CAMK4: variants seen among roughly 807,000 people sequenced by gnomAD.
The protein encoded by CAMK4 is calcium/calmodulin-dependent protein kinase type IV.
In CAMK4, 22 loss-of-function variants were observed where a neutral mutation model predicts 44.9. That is an observed-to-expected ratio of 0.49 (90% CI 0.35 to 0.70). The LOEUF (loss-of-function observed/expected upper bound fraction) is 0.70, where lower values mean the gene tolerates loss of function less well. CAMK4 is among the 30% of genes least tolerant of loss of function. The pLI, the probability that CAMK4 is intolerant of heterozygous loss-of-function variation, is 0.01. For missense variants in CAMK4, 498 were observed against 586.8 expected, an observed-to-expected ratio of 0.85 and a Z score of 1.56; for synonymous variants, 218 against 215.4, an observed-to-expected ratio of 1.01 and a Z score of -0.11.
chr5:111,324,615 A>AC (rs888410220), intron 1 of CAMK4, among the ~76,000 whole-genome samples: 2 of 151,940 alleles, frequency 1.3e-5, no homozygotes, highest in Admixed American at 1.3e-4. Flanking sequence ...AGATTTTAAC[A>AC]CCCCCCTCTC....
intron 1 of CAMK4, among the ~76,000 whole-genome samples, chr5:111,243,903 C>A (rs189222477): frequency 1.2e-3 from 184 of 152,290 alleles, no homozygotes; most frequent in Non-Finnish European, 2.1e-3. Flanking sequence ...TAGATTTTTT[C>A]AGGAACTTAG....
At chr5:111,363,674 T>C (rs1291272200) in intron 2 of CAMK4, among the ~76,000 whole-genome samples, 1 of 151,814 alleles carries the variant, frequency 6.6e-6, no homozygotes, top group Non-Finnish European at 1.5e-5. Flanking sequence ...TGACTCTCAA[T>C]GAACCAAGTG....
intron 1 of CAMK4, among the ~76,000 whole-genome samples, chr5:111,238,837 A>G (rs1416221662): frequency 1.3e-5 from 1 of 78,272 alleles, no homozygotes; most frequent in Admixed American, 1.6e-4. Context: ...TTTTTTTTTT[A>G]ACAGGAGGTG....
At position 111,224,652 on chromosome 5, in the gene CAMK4, G is replaced by A; in HGVS notation, c.161+8G>A. On this transcript the variant is annotated splice_region_variant and intron_variant, in intron 1 of 10. Coordinates refer to ENST00000282356, the MANE Select transcript of CAMK4 (RefSeq NM_001744.6). This position sits in a 1 kb window ranked among gnomAD's most constrained non-coding sequence, Gnocchi z 5.7. ...GGAGTCGGAGCTGGGACGGTAAGGC[G>A]CGGGCTCCGGCTGGGGAAGCCCGCG... 3.1e-6 allele frequency: 5 copies of A among 1,599,356 alleles called. No individual in the cohort carries two copies. Among genetic ancestry groups the A allele is most frequent in the Middle Eastern group, 2.2e-4 (1 of 4,510 alleles).
intron 7 of CAMK4, among the ~76,000 whole-genome samples, chr5:111,451,858 T>C (rs1754249073): frequency 6.6e-6 from 1 of 152,174 alleles, no homozygotes; most frequent in Admixed American, 6.5e-5. Context: ...ATGATTTTAC[T>C]ACTGCATTCC....
rs1284521802 is a variant in CAMK4 at position 111,224,594 on chromosome 5, C to T, written c.111C>T (p.Ser37=). Residue 37 remains serine, a synonymous_variant, in exon 1 of 11, where the codon TCC becomes TCT. Coordinates refer to ENST00000282356, the MANE Select transcript of CAMK4 (RefSeq NM_001744.6). This position sits in a 1 kb window ranked among gnomAD's most constrained non-coding sequence, Gnocchi z 5.7. ...SLVPDYWIDG[S]NRDALSDFFE... ...TCCCGGATTACTGGATCGACGGCTC[C>T]AACAGGGATGCGCTGAGCGATTTCT... The T allele has an allele frequency of 1.9e-6, 3 of 1,612,166 alleles. No individual in the cohort carries two copies. Among genetic ancestry groups the T allele is most frequent in the South Asian group, 1.1e-5 (1 of 90,940 alleles).
At chr5:111,292,031 A>G (rs1747284036) in intron 1 of CAMK4, among the ~76,000 whole-genome samples, 3 of 152,366 alleles carry the variant, frequency 2.0e-5, no homozygotes, top group East Asian at 3.9e-4. Context: ...TTATATTCCA[A>G]CATCCTGCAC....
At chr5:111,350,436 A>C (rs989107366) in intron 2 of CAMK4, among the ~76,000 whole-genome samples, 1 of 152,088 alleles carries the variant, frequency 6.6e-6, no homozygotes, top group South Asian at 2.1e-4. Context: ...ATTACTGCTG[A>C]AAATGGATAC....
intron 2 of CAMK4, among the ~76,000 whole-genome samples, chr5:111,372,044 T>A (rs946377312): frequency 3.9e-5 from 6 of 152,136 alleles, no homozygotes; most frequent in Non-Finnish European, 8.8e-5. Context: ...TAAATTGCTA[T>A]TTGGTAGGGC....
chr5:111,380,980 A>G lies in CAMK4; in HGVS notation c.386+4038A>G, dbSNP rs149924525. Among the ~76,000 whole-genome samples the G allele has an allele frequency of 3.3e-3, 505 of 152,260 alleles. 3 individuals are homozygous for G. The highest frequency in any genetic ancestry group is 0.012 in the African/African-American group (491 of 41,564). On this transcript the variant is annotated intron_variant, in intron 4 of 10. Transcript: ENST00000282356. ...CAACTTTAAGCCAGGGCATTATACC[A>G]GGGCTATTCTTACTTGGCAGACCCT...
chr5:111,246,379 A>G (rs1749240665), intron 1 of CAMK4, among the ~76,000 whole-genome samples: 1 of 152,230 alleles, frequency 6.6e-6, no homozygotes, highest in Non-Finnish European at 1.5e-5. Context: ...GTACAAATGT[A>G]ATTTAATAAG....
At chr5:111,326,591 A>T (rs575000055) in intron 1 of CAMK4, among the ~76,000 whole-genome samples, 173 of 150,288 alleles carry the variant, frequency 1.2e-3, no homozygotes, top group East Asian at 2.7e-3. Flanking sequence ...TTTTTTTTTT[A>T]AATAGAAGGA....
intron 1 of CAMK4, among the ~76,000 whole-genome samples, chr5:111,247,732 T>A (rs1288226516): frequency 6.6e-6 from 1 of 152,134 alleles, no homozygotes; most frequent in East Asian, 1.9e-4. Context: ...TAATGGAGGA[T>A]AATCTACTTT....
chr5:111,317,853 T>G (rs1417807157), intron 1 of CAMK4, among the ~76,000 whole-genome samples: 2 of 139,762 alleles, frequency 1.4e-5, no homozygotes, highest in Non-Finnish European at 3.1e-5. Context: ...TATTACATTT[T>G]GTTTTCAAAT....
intron 1 of CAMK4, among the ~76,000 whole-genome samples, chr5:111,249,165 A>G (rs1393025151): frequency 2.6e-5 from 4 of 152,344 alleles, no homozygotes; most frequent in Admixed American, 6.5e-5. Flanking sequence ...AAAAGTGGGC[A>G]TATTAGTTTC....
At chr5:111,335,291 A>G (rs1455435319) in intron 1 of CAMK4, among the ~76,000 whole-genome samples, 1 of 151,388 alleles carries the variant, frequency 6.6e-6, no homozygotes, top group Admixed American at 6.6e-5. Flanking sequence ...TTGTCTGAAC[A>G]TTGTGCAATC....
Position 111,427,769 on chromosome 5 carries a change from C to T in CAMK4, c.460-18917C>T, listed in dbSNP as rs533089297. On this transcript the variant is annotated intron_variant, in intron 5 of 10. Coordinates refer to ENST00000282356, the MANE Select transcript of CAMK4 (RefSeq NM_001744.6). Reference sequence around the variant, plus strand: ...TAAGGTTTTTGACTGTAGTTCCTGACTCCTGGACAGCACTTCTGGACCCAG... The same window carrying T: ...TAAGGTTTTTGACTGTAGTTCCTGATTCCTGGACAGCACTTCTGGACCCAG... 2.0e-5 allele frequency among the ~76,000 whole-genome samples: 3 copies of T among 152,314 alleles called. No homozygotes were observed. The East Asian group carries it at 5.8e-4, about 29-fold the overall frequency.
intron 4 of CAMK4, among the ~76,000 whole-genome samples, chr5:111,377,328 G>C (rs1751250927): frequency 6.6e-6 from 1 of 151,998 alleles, no homozygotes; most frequent in African/African-American, 2.4e-5. Flanking sequence ...TCTGTCCTCT[G>C]TTATGATCCA....
At chr5:111,392,106 A>G (rs1751822005) in intron 4 of CAMK4, among the ~76,000 whole-genome samples, 1 of 152,246 alleles carries the variant, frequency 6.6e-6, no homozygotes, top group East Asian at 1.9e-4. Context: ...GTAAGTTCAT[A>G]CTAGCTGGAT....
Sources: gnomAD v4.1 joint callset for allele counts (sites outside exome capture counted in the v4.1 genomes callset) on GRCh38, gnomAD v4.1.1 for gene constraint, Gnocchi (gnomAD v3.1) non-coding constraint, MANE v1.5 for transcripts, NCBI Gene and HGNC (gene_info 2026-07-23, HGNC 2026-07-21) for gene names.